The following XYLT1 variants were observed in gnomAD, a reference collection of about 807,000 sequenced individuals.
XYLT1 encodes beta-D-xylosyltransferase 1.
XYLT1 carries 36 observed loss-of-function variants against 91.3 expected under a neutral mutation model. That is an observed-to-expected ratio of 0.39 (90% CI 0.30 to 0.52). The LOEUF (loss-of-function observed/expected upper bound fraction) is 0.52, where lower values mean the gene tolerates loss of function less well. Among genes scored for constraint, XYLT1 ranks in the 20% least tolerant of loss-of-function variants. The pLI, the probability that XYLT1 is intolerant of heterozygous loss-of-function variation, is 0.68. For synonymous variants in XYLT1, 588 were observed against 532.0 expected (o/e 1.11, Z -1.45); for missense variants, 1,242 against 1,284.5 (o/e 0.97, Z 0.51).
At chr16:17,464,009 C>T (rs1015655501) in intron 1 of XYLT1, among the ~76,000 whole-genome samples, 3 of 152,092 alleles carry the variant, frequency 2.0e-5, no homozygotes, top group Non-Finnish European at 4.4e-5. Context: ...CACATGTTCT[C>T]ACTCCTATGT....
At position 17,348,392 on chromosome 16, in the gene XYLT1, G is replaced by A. The variant is rs78293204; in HGVS notation, c.402+9620C>T. ...TTCCTTCCATGTCAAGTATAAAGAT[G>A]GAACCCAACAGGCCCTAAGGTATGG... On this transcript the variant is annotated intron_variant, in intron 2 of 11. Transcript: ENST00000261381. 7.6e-3 allele frequency among the ~76,000 whole-genome samples: 1,154 copies of A among 152,210 alleles called. 10 individuals carry two copies. The highest frequency in any genetic ancestry group is 0.014 in the Middle Eastern group (4 of 294).
At chr16:17,338,451 C>G (rs1418384033) in intron 2 of XYLT1, 1 of 456,398 alleles carries the variant, frequency 2.2e-6, no homozygotes, top group African/African-American at 2.0e-5. Context: ...AAGTTGAAAC[C>G]TACGCTTTGC....
chr16:17,350,117 G>C (rs895953468), intron 2 of XYLT1, among the ~76,000 whole-genome samples: 1 of 152,046 alleles, frequency 6.6e-6, no homozygotes, highest in Non-Finnish European at 1.5e-5. Flanking sequence ...CTCGTGATCC[G>C]CCTGCCTCGG....
At chr16:17,407,855 T>C (rs1306228626) in intron 1 of XYLT1, among the ~76,000 whole-genome samples, 2 of 152,232 alleles carry the variant, frequency 1.3e-5, no homozygotes, top group African/African-American at 4.8e-5. Context: ...GTGTTTGGGT[T>C]TTGAGGGTGG....
chr16:17,326,074 T>C (rs372492386), intron 2 of XYLT1, among the ~76,000 whole-genome samples: 44 of 152,328 alleles, frequency 2.9e-4, no homozygotes, highest in African/African-American at 1.0e-3. Context: ...TCTGGATACA[T>C]GCACAGACTC....
At chr16:17,265,102 C>T (rs560707454) in intron 2 of XYLT1, among the ~76,000 whole-genome samples, 23 of 152,284 alleles carry the variant, frequency 1.5e-4, no homozygotes, top group African/African-American at 4.6e-4. Context: ...GCAGGAGAAT[C>T]GCTTGAACCC....
chr16:17,371,533 G>A (rs1167944451), intron 1 of XYLT1, among the ~76,000 whole-genome samples: 5 of 152,212 alleles, frequency 3.3e-5, no homozygotes, highest in Admixed American at 1.3e-4. Context: ...GCTAATGTCT[G>A]AGATGAGGAA....
chr16:17,430,946 A>C (rs1290659095), intron 1 of XYLT1, among the ~76,000 whole-genome samples: 1 of 152,234 alleles, frequency 6.6e-6, no homozygotes, highest in Non-Finnish European at 1.5e-5. Flanking sequence ...CAAAATGTAT[A>C]ATAAATGCAA....
At chr16:17,320,910 G>A (rs1269516181) in intron 2 of XYLT1, among the ~76,000 whole-genome samples, 2 of 151,962 alleles carry the variant, frequency 1.3e-5, no homozygotes, top group South Asian at 2.1e-4. Flanking sequence ...AAAGGACTTC[G>A]GTAAAATATA....
Position 17,200,629 on chromosome 16 carries a change from C to G in XYLT1, c.939G>C (p.Trp313Cys), listed in dbSNP as rs1016922762. The change falls in exon 4 of 12, where the codon TGG (tryptophan) becomes TGC (cysteine). Residue 313 changes from tryptophan (W) to cysteine (C), a missense_variant. Coordinates refer to ENST00000261381, the MANE Select transcript of XYLT1 (RefSeq NM_022166.4). ...GCATGTACTCCACGGAGTCCTCGTC[C>G]CACTGCACGTTCTTGTTGGCTTTAC... ...LEGKANKNVQWDEDSVEYMPA... is the reference protein window; with the variant it reads ...LEGKANKNVQCDEDSVEYMPA... 1.7e-5 allele frequency: 28 copies of G among 1,613,682 alleles called. No homozygotes were observed. Among genetic ancestry groups the G allele is most frequent in the Non-Finnish European group, 2.0e-5 (24 of 1,179,762 alleles).
In XYLT1 at chr16:17,180,871, TTC is replaced by T. The variant is rs543737719; in HGVS notation, c.1289+17339_1289+17340del. Among the ~76,000 whole-genome samples the T allele has an allele frequency of 2.0e-3, 307 of 152,274 alleles. 1 individual carries two copies. Among genetic ancestry groups the T allele is most frequent in the African/African-American group, 7.2e-3 (298 of 41,550 alleles). On this transcript the variant is annotated intron_variant, in intron 5 of 11. Coordinates refer to ENST00000261381, the MANE Select transcript of XYLT1 (RefSeq NM_022166.4). ...TGAAGACTTTGCTCTCTGCGTTGGC[TTC>T]TGTTCCATGATGATTTCCTAGGAAG...
intron 1 of XYLT1, among the ~76,000 whole-genome samples, chr16:17,409,481 T>C (rs559509815): frequency 3.3e-4 from 50 of 151,380 alleles, no homozygotes; most frequent in South Asian, 1.5e-3. Context: ...AAGATGGGGG[T>C]GGCCACACAT....
chr16:17,325,092 TGAAAAG>T (rs536973938), intron 2 of XYLT1, among the ~76,000 whole-genome samples: 9 of 152,086 alleles, frequency 5.9e-5, no homozygotes, highest in Non-Finnish European at 1.2e-4. Flanking sequence ...ATATGATGTT[TGAAAAG>T]AATACTCTGG....
intron 1 of XYLT1, among the ~76,000 whole-genome samples, chr16:17,386,682 C>T (rs568900098): frequency 1.3e-5 from 2 of 152,290 alleles, no homozygotes; most frequent in East Asian, 3.9e-4. Context: ...TGCCTGTATC[C>T]ACGAGCCAGT....
intron 1 of XYLT1, among the ~76,000 whole-genome samples, chr16:17,419,159 T>C (rs978892417): frequency 1.3e-5 from 2 of 151,770 alleles, no homozygotes; most frequent in East Asian, 4.0e-4. Context: ...CTGCTTCCTT[T>C]GATTTGAGTA....
At chr16:17,318,344 C>T (rs1460802159) in intron 2 of XYLT1, among the ~76,000 whole-genome samples, 1 of 152,238 alleles carries the variant, frequency 6.6e-6, no homozygotes, top group Non-Finnish European at 1.5e-5. Context: ...AACAGCTAGA[C>T]TTCCAAAGTC....
chr16:17,257,006 C>T (rs932416845), intron 3 of XYLT1, among the ~76,000 whole-genome samples: 2 of 152,246 alleles, frequency 1.3e-5, no homozygotes, highest in African/African-American at 4.8e-5. Flanking sequence ...CCAACCCCAT[C>T]GGAGCCCCCA....
intron 1 of XYLT1, among the ~76,000 whole-genome samples, chr16:17,394,810 A>G (rs1265722035): frequency 6.6e-6 from 1 of 152,174 alleles, no homozygotes; most frequent in African/African-American, 2.4e-5. Context: ...AAAAGGACAA[A>G]TGAAACAGAG....
intron 2 of XYLT1, among the ~76,000 whole-genome samples, chr16:17,313,249 G>A (rs2034577251): frequency 6.6e-6 from 1 of 152,208 alleles, no homozygotes; most frequent in South Asian, 2.1e-4. Context: ...GCCTGCTTGT[G>A]AGGCCAGGAA....
Sources: gnomAD v4.1 joint callset for allele counts (sites outside exome capture counted in the v4.1 genomes callset) on GRCh38, gnomAD v4.1.1 for gene constraint, MANE v1.5 for transcripts, NCBI Gene and HGNC (gene_info 2026-07-23, HGNC 2026-07-21) for gene names.